The following MYCBPAP variants were observed in gnomAD, a reference collection of about 807,000 sequenced individuals.
MYCBPAP encodes MYCBP associated protein, also known as MYCBP-associated protein.
In MYCBPAP, 60 loss-of-function variants were observed where a neutral mutation model predicts 106.1. That is an observed-to-expected ratio of 0.57 (90% CI 0.46 to 0.70). The LOEUF is 0.70. Among genes scored for constraint, MYCBPAP ranks in the 30% least tolerant of loss-of-function variants. The pLI, the probability that MYCBPAP is intolerant of heterozygous loss-of-function variation, is 0.00. For missense variants in MYCBPAP, 1,064 were observed against 1,169.3 expected (o/e 0.91, Z 1.31); for synonymous variants, 407 against 440.6 (o/e 0.92, Z 0.95).
At chr17:50,514,066 T>G (rs2033956138) in intron 1 of MYCBPAP, among the ~76,000 whole-genome samples, 1 of 152,220 alleles carries the variant, frequency 6.6e-6, no homozygotes, top group Non-Finnish European at 1.5e-5. Flanking sequence ...AAACAAAAAT[T>G]ATTTTTAAGG....
chr17:50,510,752 C>T (rs1422785118), intron 1 of MYCBPAP, among the ~76,000 whole-genome samples: 1 of 138,496 alleles, frequency 7.2e-6, no homozygotes, highest in Non-Finnish European at 1.5e-5. Flanking sequence ...AACTCCTGGG[C>T]TCAAGCGATC....
intron 1 of MYCBPAP, among the ~76,000 whole-genome samples, chr17:50,515,481 T>C (rs560372388): frequency 6.6e-6 from 1 of 152,212 alleles, no homozygotes; most frequent in South Asian, 2.1e-4. Context: ...CAGTGTCTTG[T>C]GAAACCCTGT....
intron 1 of MYCBPAP, 79 bp downstream of exon 1, chr17:50,508,829 C>T (rs1288018474): frequency 1.6e-6 from 2 of 1,282,558 alleles, no homozygotes; most frequent in Admixed American, 2.0e-5. Flanking sequence ...GACACGGGGC[C>T]TGGAGGATGG....
chr17:50,528,240 A>T lies in MYCBPAP; in HGVS notation c.2377A>T (p.Thr793Ser). ...TGTGCTGGGCCTGCCTGAGAAGGAG[A>T]CCATCTATTTGAATGTGCCTGAAGA... ...RSVLGLPEKE[T>S]IYLNVPEEQD... The change falls in exon 16 of 19, where the codon ACC becomes TCC. Residue 793 changes from threonine to serine, a missense_variant. Coordinates refer to ENST00000323776, the MANE Select transcript of MYCBPAP (RefSeq NM_032133.6). 6.2e-7 allele frequency: 1 copy of T among 1,613,852 alleles called. No individual in the cohort carries two copies. The highest frequency in any genetic ancestry group is 8.5e-7 in the Non-Finnish European group (1 of 1,179,920).
rs1178187258 is a variant in MYCBPAP, at chr17:50,525,930, A to C, written c.1832A>C (p.Gln611Pro). The change falls in exon 14 of 19, where the codon CAG becomes CCG. Residue 611 changes from glutamine to proline, a missense_variant. Transcript: ENST00000323776. ...VVQSLHQLWR[Q>P]YMTLPAKAEE... ...CAAAGCCTGCACCAACTGTGGCGCCAGTACATGACCCTGCCCGCCAAGGCT... is the reference window on the plus strand; with the variant it reads ...CAAAGCCTGCACCAACTGTGGCGCCCGTACATGACCCTGCCCGCCAAGGCT... 1 of 1,613,184 alleles carries C rather than the reference A, an allele frequency of 6.2e-7. No individual in the cohort carries two copies. Among genetic ancestry groups the C allele is most frequent in the Admixed American group, 1.7e-5 (1 of 59,938 alleles).
In MYCBPAP at chr17:50,516,600, C is replaced by T. The variant is rs749886404; in HGVS notation, c.107C>T (p.Pro36Leu). ...AAGCGGGCAAAGGGACCTGAACAAC[C>T]CACACCCACAATTCAGGAAGAGCCT... ...EKKRAKGPEQ[P>L]TPTIQEEPEP... is the part of the protein sequence containing the mutation. The change falls in exon 2 of 19, where the codon CCC becomes CTC. Residue 36 changes from proline to leucine, a missense_variant. Pro to Leu is a moderately conservative substitution (Grantham distance 98). Coordinates refer to ENST00000323776, the MANE Select transcript of MYCBPAP (RefSeq NM_032133.6). 6.2e-6 allele frequency: 10 copies of T among 1,614,128 alleles called. No individual in the cohort carries two copies. The highest frequency in any genetic ancestry group is 8.5e-6 in the Non-Finnish European group (10 of 1,180,024).
chr17:50,526,461 G>A (rs575594542), intron 14 of MYCBPAP, among the ~76,000 whole-genome samples, 194 bp downstream of exon 14: 3 of 151,510 alleles, frequency 2.0e-5, no homozygotes, highest in Non-Finnish European at 4.4e-5. Flanking sequence ...TTTTGCTCTT[G>A]TTGCCCAGGT....
intron 10 of MYCBPAP, chr17:50,522,691 T>G (rs1383643788): frequency 4.6e-5 from 1 of 21,590 alleles, no homozygotes; most frequent in African/African-American, 2.6e-4. Context: ...CGAAACTCTG[T>G]CTCAAAAAAA....
Position 50,509,526 on chromosome 17 carries a change from CT to C in MYCBPAP, c.76+785del, listed in dbSNP as rs1256966477. 1,413 of 144,056 alleles carry C rather than the reference CT, an allele frequency of 9.8e-3. 25 individuals carry two copies. Among genetic ancestry groups the C allele is most frequent in the African/African-American group, 0.042 (1,298 of 30,592 alleles). 8.9% of individuals were successfully genotyped at this position (144,056 alleles called of 1,614,324 possible). ...ATTTATTTTTAAATTTAATTTTTAG[CT>C]TTTTTTTTCTGTGTGTGTGTGTGTG... On this transcript the variant is annotated intron_variant, in intron 1 of 18. Coordinates refer to ENST00000323776, the MANE Select transcript of MYCBPAP (RefSeq NM_032133.6).
At chr17:50,529,232 C>A (rs895824830) in intron 18 of MYCBPAP, 44 bp downstream of exon 18, 7 of 1,571,784 alleles carry the variant, frequency 4.5e-6, no homozygotes, top group Non-Finnish European at 6.1e-6. Flanking sequence ...CTCCCACCTG[C>A]CTTATTCATT....
intron 11 of MYCBPAP, 119 bp downstream of exon 11, chr17:50,523,247 C>A: frequency 1.0e-6 from 1 of 996,252 alleles, no homozygotes; most frequent in Non-Finnish European, 1.5e-6. Flanking sequence ...GCTTCCCTGC[C>A]TTGTCCCTCT....
At chr17:50,523,923 CT>C in intron 12 of MYCBPAP, 139 bp downstream of exon 12, 1 of 848,852 alleles carries the variant, frequency 1.2e-6, no homozygotes. Flanking sequence ...ACTACTCTTG[CT>C]CCACAAACAC....
At chr17:50,518,786 GT>G in intron 5 of MYCBPAP, 62 bp downstream of exon 5, 2 of 1,551,286 alleles carry the variant, frequency 1.3e-6, no homozygotes, top group Non-Finnish European at 1.7e-6. Context: ...CTGCTGGGTT[GT>G]TTGCTCTCCT....
chr17:50,513,121 G>A (rs1351514161), intron 1 of MYCBPAP, among the ~76,000 whole-genome samples: 1 of 151,590 alleles, frequency 6.6e-6, no homozygotes, highest in Non-Finnish European at 1.5e-5. Flanking sequence ...GGGAGGCTGA[G>A]GCAGGAGAAT....
At chr17:50,523,886 G>A (rs2034366674) in intron 12 of MYCBPAP, 102 bp downstream of exon 12, 4 of 1,216,178 alleles carry the variant, frequency 3.3e-6, no homozygotes, top group Non-Finnish European at 4.5e-6. Flanking sequence ...AGCCTAAGAG[G>A]AGAATTGGAT....
In MYCBPAP at chr17:50,517,449, T is replaced by C; in HGVS notation, c.361T>C (p.Ser121Pro). ...TGAAGCCACAAAGCCTCTGGACTAC[T>C]CCGGTACACCCAGTCTCAGCCCTGG... ...PDEATKPLDY[S>P]GPGDSFDGSD... Residue 121 changes from serine to proline, a missense_variant, in exon 3 of 19, where the codon TCC (serine) becomes CCC (proline). Ser to Pro is a moderately conservative substitution (Grantham distance 74, BLOSUM62 -1). Transcript: ENST00000323776. The C allele has an allele frequency of 1.9e-6, 3 of 1,614,216 alleles. No homozygotes were observed. Among genetic ancestry groups the C allele is most frequent in the Non-Finnish European group, 2.5e-6 (3 of 1,180,022 alleles).
intron 4 of MYCBPAP, among the ~76,000 whole-genome samples, chr17:50,518,235 A>G (rs2034124564): frequency 6.6e-6 from 1 of 152,230 alleles, no homozygotes; most frequent in Non-Finnish European, 1.5e-5. Context: ...GGGCCCTGTA[A>G]GAATGCTTCC....
chr17:50,509,278 T>C (rs772355154), intron 1 of MYCBPAP: 2 of 644,134 alleles, frequency 3.1e-6, no homozygotes, highest in Non-Finnish European at 5.6e-6. Context: ...TAGTTCTCTT[T>C]TTGACTGCCT....
intron 1 of MYCBPAP, chr17:50,514,781 C>G (rs1251486705): frequency 4.0e-6 from 1 of 249,298 alleles, no homozygotes; most frequent in Non-Finnish European, 8.4e-6. Context: ...CCTCAGCCTC[C>G]CAAGTGGTTG....
Sources: gnomAD v4.1 joint callset for allele counts (sites outside exome capture counted in the v4.1 genomes callset) on GRCh38, gnomAD v4.1.1 for gene constraint, MANE v1.5 for transcripts, NCBI Gene and HGNC (gene_info 2026-07-23, HGNC 2026-07-21) for gene names.